The following IQCM variants were observed in gnomAD, a reference collection of about 807,000 sequenced individuals.
IQCM encodes the protein IQ domain-containing protein M.
In IQCM, 45 loss-of-function variants were observed where a neutral mutation model predicts 57.6. The ratio of observed to expected loss-of-function variants is 0.78; its 90% CI spans 0.62 to 1.00. The LOEUF (loss-of-function observed/expected upper bound fraction) is 1.00, where lower values mean the gene tolerates loss of function less well. IQCM is among the 50% of genes least tolerant of loss of function. The pLI, the probability that IQCM is intolerant of heterozygous loss-of-function variation, is 0.00. For missense variants in IQCM, 468 were observed against 511.6 expected (o/e 0.91, Z 0.82); for synonymous variants, 148 against 158.9 (o/e 0.93, Z 0.51).
intron 5 of IQCM, among the ~76,000 whole-genome samples, chr4:149,717,355 T>C (rs1765089931): frequency 6.6e-6 from 1 of 152,152 alleles, no homozygotes; most frequent in Non-Finnish European, 1.5e-5. Context: ...GGAGAACTGC[T>C]TGGTGTGTGA....
At chr4:149,377,763 G>A (rs1466978515) in intron 13 of IQCM, among the ~76,000 whole-genome samples, 1 of 152,090 alleles carries the variant, frequency 6.6e-6, no homozygotes, top group Non-Finnish European at 1.5e-5. Context: ...TCAGAGACAT[G>A]CGGGTAGCTT....
At chr4:149,717,240 G>A (rs759670905) in intron 5 of IQCM, among the ~76,000 whole-genome samples, 4 of 152,218 alleles carry the variant, frequency 2.6e-5, no homozygotes, top group Middle Eastern at 3.4e-3. Flanking sequence ...CTGAAGTGAC[G>A]GGCAGTTTGA....
At chr4:149,664,065 T>A (rs966985094) in intron 7 of IQCM, among the ~76,000 whole-genome samples, 8 of 152,130 alleles carry the variant, frequency 5.3e-5, no homozygotes, top group African/African-American at 1.9e-4. Context: ...TTTTTCTGCT[T>A]GATTAGTCTG....
chr4:149,376,816 C>A (rs76921275), intron 13 of IQCM, among the ~76,000 whole-genome samples: 1 of 152,120 alleles, frequency 6.6e-6, no homozygotes, highest in Non-Finnish European at 1.5e-5. Context: ...AGATAATGAG[C>A]ACACACATCT....
At chr4:149,759,239 A>C (rs1769275820) in intron 2 of IQCM, among the ~76,000 whole-genome samples, 1 of 152,204 alleles carries the variant, frequency 6.6e-6, no homozygotes, top group Admixed American at 6.5e-5. Context: ...TAAGCAGATC[A>C]CTAGTTGCCA....
At chr4:149,652,135 G>GTTCATGTC (rs1324906432) in intron 7 of IQCM, among the ~76,000 whole-genome samples, 18 of 152,142 alleles carry the variant, frequency 1.2e-4, no homozygotes, top group African/African-American at 4.3e-4. Context: ...AAAAGAATGA[G>GTTCATGTC]TTCATGTCCT....
rs561059864 is a variant in IQCM, at chr4:149,494,039, C to CT, written c.1228+54415dup. 5.4e-3 allele frequency among the ~76,000 whole-genome samples: 776 copies of CT among 142,466 alleles called. 2 individuals are homozygous for CT. Among genetic ancestry groups the CT allele is most frequent in the Non-Finnish European group, 9.2e-3 (593 of 64,542 alleles). The allele number at this position is 142,466 out of a possible 152,430, so 93.5% of individuals were successfully genotyped here. A position where few individuals can be genotyped will look rare whatever the true frequency, so the allele number is the denominator to read the frequency against. ...GGCTCTGTCAAGATACAAGTCTTTT[C>CT]TTTTTTTTTTTTAAGGGTTTTTTTG... On this transcript the variant is annotated intron_variant, in intron 12 of 13. Transcript: ENST00000636793.
intron 13 of IQCM, among the ~76,000 whole-genome samples, chr4:149,371,696 C>T (rs547078934): frequency 1.3e-5 from 2 of 152,286 alleles, no homozygotes; most frequent in East Asian, 3.9e-4. Flanking sequence ...CCTGATTCTC[C>T]AAGATTCATT....
intron 5 of IQCM, among the ~76,000 whole-genome samples, chr4:149,705,172 A>G (rs1312193981): frequency 6.8e-6 from 1 of 146,972 alleles, no homozygotes; most frequent in South Asian, 2.1e-4. Flanking sequence ...ATATAAAAAT[A>G]TATAAAAATA....
chr4:149,699,911 TTCTC>T (rs1365412974), intron 5 of IQCM, among the ~76,000 whole-genome samples: 2 of 151,954 alleles, frequency 1.3e-5, no homozygotes, highest in African/African-American at 4.8e-5. Flanking sequence ...CTCTATCTCT[TTCTC>T]TTTCTTTTCC....
intron 7 of IQCM, among the ~76,000 whole-genome samples, chr4:149,639,385 C>T (rs551626772): frequency 1.7e-3 from 251 of 148,514 alleles, no homozygotes; most frequent in Non-Finnish European, 3.0e-3. Context: ...ATGATCGTGC[C>T]GCTGCACTCC....
At chr4:149,643,986 G>T (rs571398863) in intron 7 of IQCM, among the ~76,000 whole-genome samples, 1 of 152,052 alleles carries the variant, frequency 6.6e-6, no homozygotes, top group Non-Finnish European at 1.5e-5. Context: ...TGGTCTAAAT[G>T]GATACATGGT....
At chr4:149,578,751 A>G (rs1173423640) in intron 9 of IQCM, among the ~76,000 whole-genome samples, 3 of 151,844 alleles carry the variant, frequency 2.0e-5, no homozygotes, top group African/African-American at 4.8e-5. Flanking sequence ...ATTATACTCA[A>G]TGTTTTATTG....
chr4:149,686,302 A>T, intron 6 of IQCM, 76 bp downstream of exon 6: 1 of 622,588 alleles, frequency 1.6e-6, no homozygotes, highest in Non-Finnish European at 2.3e-6. Flanking sequence ...TTGAGAGACC[A>T]TGACAATTGG....
rs1484910527 is a variant in IQCM, at chr4:149,789,532, C to A, written c.-49+25779G>T. On this transcript the variant is annotated intron_variant, in intron 2 of 13. Transcript: ENST00000636793. ...AGACAAATATTATGAATACATACAC[C>A]TTAAGAGCCAGGTGCAGTGGCTCAT... Among the ~76,000 whole-genome samples the A allele has an allele frequency of 2.6e-5, 4 of 152,062 alleles. No individual in the cohort carries two copies. In the East Asian group the frequency reaches 7.7e-4, roughly 29 times the overall value.
At chr4:149,592,875 T>A (rs1753344033) in intron 8 of IQCM, among the ~76,000 whole-genome samples, 1 of 152,222 alleles carries the variant, frequency 6.6e-6, no homozygotes, top group African/African-American at 2.4e-5. Context: ...TAGTATAGTT[T>A]GAAGTCAGGT....
intron 7 of IQCM, among the ~76,000 whole-genome samples, chr4:149,635,202 A>G (rs2150103041): frequency 6.6e-6 from 1 of 152,344 alleles, no homozygotes; most frequent in South Asian, 2.1e-4. Context: ...ACTGCATTAT[A>G]AAGTGCAAGG....
intron 12 of IQCM, among the ~76,000 whole-genome samples, chr4:149,461,957 G>A (rs1208276736): frequency 1.3e-5 from 2 of 152,010 alleles, no homozygotes; most frequent in Non-Finnish European, 2.9e-5. Context: ...TAACAGTACT[G>A]GTCTGTGGCC....
Position 149,553,339 on chromosome 4 carries a change from G to T in IQCM, c.949-52C>A, listed in dbSNP as rs1483107161. On this transcript the variant is annotated intron_variant, in intron 10 of 13. Coordinates refer to ENST00000636793, the MANE Select transcript of IQCM (RefSeq NM_001363507.2). ...TATTTCTGGTATTTATATTTAATTT[G>T]ATTTCGCCTCTTTCATTTAGTCTAT... The T allele has an allele frequency of 4.3e-5, 52 of 1,201,372 alleles. No homozygotes were observed. In the East Asian group the frequency reaches 1.6e-3, roughly 37 times the overall value. 74.4% of individuals were successfully genotyped at this position (1,201,372 alleles called of 1,614,324 possible).
Sources: allele counts gnomAD v4.1 joint callset (sites outside exome capture counted in the v4.1 genomes callset), GRCh38; gene constraint gnomAD v4.1.1; transcripts MANE v1.5; gene names NCBI Gene and HGNC (gene_info 2026-07-23, HGNC 2026-07-21).